Variants in ATF6 observed in about 807,000 individuals in gnomAD.
The protein encoded by ATF6 is cyclic AMP-dependent transcription factor ATF-6 alpha.
Under a neutral mutation model 83.6 loss-of-function variants are expected in ATF6, and 53 were observed. The observed-to-expected ratio is 0.63, with a 90% CI of 0.51 to 0.80. The LOEUF is 0.80. Among genes scored for constraint, ATF6 ranks in the 30% least tolerant of loss-of-function variants. ATF6 has a pLI of 0.00. For synonymous variants in ATF6, 288 were observed against 285.8 expected, an observed-to-expected ratio of 1.01 and a Z score of -0.08; for missense variants, 744 against 797.9, an observed-to-expected ratio of 0.93 and a Z score of 0.81.
At chr1:161,907,093 T>C (rs1047137805) in intron 14 of ATF6, among the ~76,000 whole-genome samples, 1 of 152,224 alleles carries the variant, frequency 6.6e-6, no homozygotes, top group African/African-American at 2.4e-5. Flanking sequence ...TGAGCACATT[T>C]GGTTTTTGAT....
chr1:161,811,594 G>C (rs145267202), intron 7 of ATF6, among the ~76,000 whole-genome samples: 3 of 152,286 alleles, frequency 2.0e-5, no homozygotes, highest in African/African-American at 7.2e-5. Context: ...AGAACACCCA[G>C]GTATTCTTCA....
At chr1:161,772,008 C>T (rs912604177) in intron 1 of ATF6, among the ~76,000 whole-genome samples, 13 of 152,180 alleles carry the variant, frequency 8.5e-5, no homozygotes, top group African/African-American at 2.9e-4. Flanking sequence ...AATAACATCT[C>T]ACTTTCAAAC....
intron 4 of ATF6, 53 bp from the exon 5 acceptor site, chr1:161,791,355 A>G (rs944823360): frequency 2.2e-5 from 33 of 1,505,762 alleles, no homozygotes; most frequent in Non-Finnish European, 2.7e-5. Flanking sequence ...TTTTCTATGC[A>G]ATTTGCTGCT....
intron 14 of ATF6, among the ~76,000 whole-genome samples, chr1:161,867,393 A>G (rs1055617567): frequency 2.0e-5 from 3 of 152,186 alleles, no homozygotes; most frequent in African/African-American, 7.2e-5. Flanking sequence ...AGACAGAAAC[A>G]AATACTCAGG....
chr1:161,909,987 A>T (rs1299301640), intron 14 of ATF6, among the ~76,000 whole-genome samples: 1 of 152,126 alleles, frequency 6.6e-6, no homozygotes, highest in African/African-American at 2.4e-5. Context: ...GAGGCCAGTA[A>T]ATATTTATTG....
rs879150907 is a variant in ATF6 at position 161,784,152 on chromosome 1, T to C, written c.354+56T>C. On this transcript the variant is annotated intron_variant, in intron 4 of 15. Transcript: ENST00000367942. ...GTTATAATATGCTATCTGGAAAATA[T>C]GTATATGGAGGAGGCAGTTAACATT... The C allele has an allele frequency of 3.0e-5, 36 of 1,212,362 alleles. 1 individual carries two copies. The South Asian group carries it at 4.0e-4, about 14-fold the overall frequency. 75.1% of individuals were successfully genotyped at this position (1,212,362 alleles called of 1,614,324 possible). A position where few individuals can be genotyped will look rare whatever the true frequency, so the allele number is the denominator to read the frequency against.
chr1:161,794,114 C>T (rs1684951640), intron 6 of ATF6, among the ~76,000 whole-genome samples: 1 of 152,072 alleles, frequency 6.6e-6, no homozygotes, highest in Non-Finnish European at 1.5e-5. Context: ...ACCATGTCGG[C>T]CAGGATGGTC....
chr1:161,935,792 G>T (rs1189869000), intron 15 of ATF6, among the ~76,000 whole-genome samples: 1 of 152,192 alleles, frequency 6.6e-6, no homozygotes, highest in African/African-American at 2.4e-5. Flanking sequence ...AATAGGTCCA[G>T]CATATGAAAG....
intron 14 of ATF6, among the ~76,000 whole-genome samples, chr1:161,906,035 A>G (rs1251417553): frequency 6.6e-6 from 1 of 152,012 alleles, no homozygotes; most frequent in African/African-American, 2.4e-5. Context: ...GGGTTTCACC[A>G]TGTTAGCCAT....
intron 12 of ATF6, among the ~76,000 whole-genome samples, chr1:161,855,474 TTCAAGTGGAGAAG>T (rs1365126218): frequency 1.3e-5 from 2 of 152,306 alleles, no homozygotes; most frequent in East Asian, 3.9e-4. Flanking sequence ...CTATTAGGCA[TTCAAGTGGAGAAG>T]TCAAGTGGAC....
At chr1:161,796,809 A>G (rs759584318) in intron 6 of ATF6, among the ~76,000 whole-genome samples, 1 of 152,122 alleles carries the variant, frequency 6.6e-6, no homozygotes, top group Non-Finnish European at 1.5e-5. Flanking sequence ...GAATTATATC[A>G]TCTGTGTGAG....
chr1:161,924,353 CCTT>C (rs1257412867), intron 15 of ATF6, among the ~76,000 whole-genome samples: 4 of 152,122 alleles, frequency 2.6e-5, no homozygotes, highest in Admixed American at 1.3e-4. Context: ...GGGAAATACT[CCTT>C]CTCTTGAGCT....
intron 14 of ATF6, among the ~76,000 whole-genome samples, chr1:161,900,710 CTTT>C (rs1337267050): frequency 1.6e-4 from 25 of 152,080 alleles, no homozygotes; most frequent in African/African-American, 5.5e-4. Flanking sequence ...TAATTATTTG[CTTT>C]GCATATGTAC....
intron 1 of ATF6, among the ~76,000 whole-genome samples, chr1:161,767,226 G>A (rs1684285454): frequency 6.6e-6 from 1 of 152,022 alleles, no homozygotes; most frequent in South Asian, 2.1e-4. Context: ...AAATGGGCCC[G>A]CTAGTGAGCC....
intron 8 of ATF6, 116 bp downstream of exon 8, chr1:161,819,934 G>C: frequency 7.8e-6 from 8 of 1,028,686 alleles, no homozygotes; most frequent in Middle Eastern, 3.3e-4. Context: ...CTAGGAAAAG[G>C]AGGGTATAAT....
chr1:161,918,461 C>G (rs2101893421), intron 15 of ATF6, among the ~76,000 whole-genome samples: 1 of 152,150 alleles, frequency 6.6e-6, no homozygotes, highest in South Asian at 2.1e-4. Flanking sequence ...AACTATAATT[C>G]TATAGGATTC....
chr1:161,827,654 A>AG (rs1685935867), intron 9 of ATF6, among the ~76,000 whole-genome samples: 2 of 151,954 alleles, frequency 1.3e-5, no homozygotes, highest in Non-Finnish European at 2.9e-5. Context: ...AAATGAAAAA[A>AG]AAAAAATAAA....
intron 13 of ATF6, among the ~76,000 whole-genome samples, chr1:161,860,591 T>A (rs1220678402): frequency 6.6e-6 from 1 of 152,022 alleles, no homozygotes; most frequent in Non-Finnish European, 1.5e-5. Flanking sequence ...GATTTGCATC[T>A]GTTTCATGAA....
chr1:161,879,899 C>T (rs555393993), intron 14 of ATF6, among the ~76,000 whole-genome samples: 65 of 151,956 alleles, frequency 4.3e-4, no homozygotes, highest in Non-Finnish European at 8.1e-4. Context: ...ATTTTGTTTT[C>T]ATTTGGCATG....
Sources: allele counts gnomAD v4.1 joint callset (sites outside exome capture counted in the v4.1 genomes callset), GRCh38; gene constraint gnomAD v4.1.1; transcripts MANE v1.5; gene names NCBI Gene and HGNC (gene_info 2026-07-23, HGNC 2026-07-21).